The following CCDC192 variants were observed in gnomAD, a reference collection of about 807,000 sequenced individuals.
CCDC192 encodes coiled-coil domain containing 192.
At position 127,875,039 on chromosome 5, in the gene CCDC192, T is replaced by C. The variant is rs567581175; in HGVS notation, c.412-499T>C. On this transcript the variant is annotated intron_variant, in intron 5 of 6. Coordinates refer to ENST00000514853, the MANE Select transcript of CCDC192 (RefSeq NM_001317938.2). ...TGACACTTTCCCTGTATGGATCCCATACTAAATATCAGAAAACACCAGCGT... is the reference window on the plus strand; with the variant it reads ...TGACACTTTCCCTGTATGGATCCCACACTAAATATCAGAAAACACCAGCGT... 1.5e-3 allele frequency among the ~76,000 whole-genome samples: 227 copies of C among 152,058 alleles called. 1 individual carries two copies. Among genetic ancestry groups the C allele is most frequent in the African/African-American group, 5.2e-3 (216 of 41,342 alleles).
chr5:127,889,029 A>G (rs1253729418), intron 6 of CCDC192, among the ~76,000 whole-genome samples: 1 of 152,242 alleles, frequency 6.6e-6, no homozygotes, highest in Admixed American at 6.5e-5. Context: ...ACAAAGATAC[A>G]TATGTGGAAA....
At chr5:127,835,042 A>G (rs1749972516) in intron 5 of CCDC192, among the ~76,000 whole-genome samples, 1 of 152,224 alleles carries the variant, frequency 6.6e-6, no homozygotes, top group Non-Finnish European at 1.5e-5. Context: ...AGCATATGCA[A>G]CTTGAGAAAA....
chr5:127,827,654 G>A (rs1749592034), intron 5 of CCDC192, among the ~76,000 whole-genome samples: 1 of 152,188 alleles, frequency 6.6e-6, no homozygotes, highest in Non-Finnish European at 1.5e-5. Flanking sequence ...CATTAATTCA[G>A]CAGTTCTCCC....
chr5:127,717,940 AAAAAAG>A (rs1751731677), intron 2 of CCDC192, among the ~76,000 whole-genome samples: 1 of 151,234 alleles, frequency 6.6e-6, no homozygotes, highest in African/African-American at 2.4e-5. Flanking sequence ...AAAAAAAAAA[AAAAAAG>A]AAAACAAGAA....
At chr5:127,756,481 T>C (rs555831564) in intron 3 of CCDC192, among the ~76,000 whole-genome samples, 57 of 152,314 alleles carry the variant, frequency 3.7e-4, no homozygotes, top group South Asian at 1.2e-3. Flanking sequence ...TAATGTCTTC[T>C]GTTCCTGGGT....
intron 2 of CCDC192, among the ~76,000 whole-genome samples, chr5:127,751,962 C>A (rs1754205036): frequency 6.6e-6 from 1 of 151,986 alleles, no homozygotes; most frequent in African/African-American, 2.4e-5. Flanking sequence ...GTTTTCAGCT[C>A]CATCAGCTCC....
chr5:127,867,737 A>C (rs560392297), intron 5 of CCDC192, among the ~76,000 whole-genome samples: 41 of 152,362 alleles, frequency 2.7e-4, no homozygotes, highest in African/African-American at 8.7e-4. Context: ...TTCTTTTCAC[A>C]TGACCTGCTT....
chr5:127,818,066 C>T (rs1279485247), intron 5 of CCDC192, among the ~76,000 whole-genome samples: 1 of 152,082 alleles, frequency 6.6e-6, no homozygotes, highest in Non-Finnish European at 1.5e-5. Flanking sequence ...TATGAAAAAA[C>T]CCAGCATAGC....
intron 2 of CCDC192, among the ~76,000 whole-genome samples, chr5:127,721,192 G>C (rs904300425): frequency 6.6e-6 from 1 of 152,100 alleles, no homozygotes; most frequent in Non-Finnish European, 1.5e-5. Context: ...TTAGATATTA[G>C]TTTCAGTTTC....
rs148613705 is a variant in CCDC192, at chr5:127,887,993, G to A, written c.535+12332G>A. Reference sequence around the variant, plus strand: ...GCTGGGATTACAGGCACGAGCCAGCGCGCCCAACCTTATTTACTATTTTTT... The same window carrying A: ...GCTGGGATTACAGGCACGAGCCAGCACGCCCAACCTTATTTACTATTTTTT... On this transcript the variant is annotated intron_variant, in intron 6 of 6. Coordinates refer to ENST00000514853, the MANE Select transcript of CCDC192 (RefSeq NM_001317938.2). 1.1e-3 allele frequency among the ~76,000 whole-genome samples: 169 copies of A among 151,964 alleles called. 5 individuals carry two copies. In the East Asian group the frequency reaches 0.025, roughly 23 times the overall value.
chr5:127,783,603 T>C (rs572159805), intron 3 of CCDC192, among the ~76,000 whole-genome samples: 1 of 152,272 alleles, frequency 6.6e-6, no homozygotes, highest in South Asian at 2.1e-4. Context: ...CTGTGGTCGT[T>C]GGGTGGAATT....
intron 6 of CCDC192, among the ~76,000 whole-genome samples, chr5:127,890,352 C>G (rs1752698253): frequency 6.6e-6 from 1 of 151,436 alleles, no homozygotes; most frequent in Non-Finnish European, 1.5e-5. Flanking sequence ...CCCAGTTGCT[C>G]CTGTAGATAA....
chr5:127,785,378 G>T, intron 3 of CCDC192: 2 of 423,220 alleles, frequency 4.7e-6, no homozygotes, highest in South Asian at 3.9e-5. Context: ...GGTGATTTTT[G>T]AATTGCTCAT....
intron 2 of CCDC192, among the ~76,000 whole-genome samples, chr5:127,713,869 CTT>C (rs1283589797): frequency 2.0e-5 from 3 of 152,182 alleles, no homozygotes; most frequent in Admixed American, 1.3e-4. Context: ...TAAAAATCCT[CTT>C]TTCTAGCTGT....
chr5:127,926,765 T>C (rs6879972), intron 6 of CCDC192, among the ~76,000 whole-genome samples: 11,803 of 152,152 alleles, frequency 0.078, 1,592 homozygotes, highest in African/African-American at 0.27. Context: ...TTTGGCATTA[T>C]TCATACCAAT....
At chr5:127,776,461 C>A (rs1410244825) in intron 3 of CCDC192, among the ~76,000 whole-genome samples, 1 of 152,032 alleles carries the variant, frequency 6.6e-6, no homozygotes, top group Non-Finnish European at 1.5e-5. Context: ...GAAAGCAGAG[C>A]ATAAAAGTTC....
chr5:127,908,346 C>T (rs1753255099), intron 6 of CCDC192, among the ~76,000 whole-genome samples: 1 of 152,156 alleles, frequency 6.6e-6, no homozygotes, highest in Non-Finnish European at 1.5e-5. Flanking sequence ...TAGAGGTCTA[C>T]AGGTTCTTAC....
intron 5 of CCDC192, among the ~76,000 whole-genome samples, chr5:127,868,222 C>T (rs1751697533): frequency 6.6e-6 from 1 of 151,986 alleles, no homozygotes; most frequent in Non-Finnish European, 1.5e-5. Context: ...ATCTTAGGTC[C>T]CACTGCAGAT....
chr5:127,822,073 A>G (rs1378283572), intron 5 of CCDC192, among the ~76,000 whole-genome samples: 1 of 152,194 alleles, frequency 6.6e-6, no homozygotes, highest in African/African-American at 2.4e-5. Flanking sequence ...TGCCTAAGAA[A>G]CAGGAACTTG....
Sources: allele counts gnomAD v4.1 joint callset (sites outside exome capture counted in the v4.1 genomes callset), GRCh38; gene constraint gnomAD v4.1.1; transcripts MANE v1.5; gene names NCBI Gene and HGNC (gene_info 2026-07-23, HGNC 2026-07-21).